SH3PXD2B: variants seen among roughly 807,000 people sequenced by gnomAD.
SH3PXD2B encodes SH3 and PX domains 2B.
Under a neutral mutation model 73.1 loss-of-function variants are expected in SH3PXD2B, and 37 were observed. That is an observed-to-expected ratio of 0.51 (90% CI 0.39 to 0.67). The LOEUF (loss-of-function observed/expected upper bound fraction) is 0.67. Ranked by LOEUF, SH3PXD2B falls within the 30% of genes least tolerant of loss-of-function variation. The probability of loss-of-function intolerance (pLI) is 0.00; values close to 1 mark genes in which losing one functional copy is unlikely to be tolerated. For missense variants in SH3PXD2B, 1,053 were observed against 1,197.8 expected (o/e 0.88, Z 1.78); for synonymous variants, 457 against 480.5 (o/e 0.95, Z 0.64).
rs200134950 is a variant in SH3PXD2B, at chr5:172,420,303, GA to G, written c.156+2112del. ...ATACTGAACACAAAACATCACTAAT[GA>G]ATTCATTACATTTTAAATAATTAGG... On this transcript the variant is annotated intron_variant, in intron 2 of 12. Coordinates refer to ENST00000311601, the MANE Select transcript of SH3PXD2B (RefSeq NM_001017995.3). Among the ~76,000 whole-genome samples, 828 of 152,254 alleles carry G rather than the reference GA, an allele frequency of 5.4e-3. 16 individuals are homozygous for G. Among genetic ancestry groups the G allele is most frequent in the Admixed American group, 0.034 (513 of 15,304 alleles).
At chr5:172,389,977 C>A (rs13354090) in intron 4 of SH3PXD2B, among the ~76,000 whole-genome samples, 16,412 of 152,154 alleles carry the variant, frequency 0.11, 1,282 homozygotes, top group South Asian at 0.23. Context: ...CTTAGCCTCC[C>A]AAACTGCTGG....
At chr5:172,448,599 A>G (rs1475777745) in intron 1 of SH3PXD2B, among the ~76,000 whole-genome samples, 1 of 152,214 alleles carries the variant, frequency 6.6e-6, no homozygotes, top group Non-Finnish European at 1.5e-5. Flanking sequence ...TCTTTTCATC[A>G]TGAAGGTAAC....
chr5:172,415,357 A>G (rs1285879763), intron 2 of SH3PXD2B, among the ~76,000 whole-genome samples: 1 of 152,180 alleles, frequency 6.6e-6, no homozygotes, highest in Non-Finnish European at 1.5e-5. Context: ...GGCCTTAAAA[A>G]GGGGCAGCCA....
At position 172,448,885 on chromosome 5, in the gene SH3PXD2B, TAGG is replaced by T. The variant is rs1293855304; in HGVS notation, c.75+5390_75+5392del. 5.4e-4 allele frequency among the ~76,000 whole-genome samples: 82 copies of T among 152,096 alleles called. 1 individual carries two copies. Among genetic ancestry groups the T allele is most frequent in the Admixed American group, 4.6e-4 (7 of 15,264 alleles). On this transcript the variant is annotated intron_variant, in intron 1 of 12. Transcript: ENST00000311601. ...GTTCCCACAAAACAGGTGCCAGGGA[TAGG>T]AGGAGAGGGAGGAAACTGGGGGCTG...
intron 1 of SH3PXD2B, among the ~76,000 whole-genome samples, chr5:172,439,238 GAAAAAAAAAAAAGAAAA>G (rs1192394687): frequency 1.2e-4 from 4 of 33,238 alleles, no homozygotes; most frequent in African/African-American, 5.8e-4. Flanking sequence ...AGAAAAAACA[GAAAAAAAAAAAAGAAAA>G]AAAAAAAACA....
rs144896999 is a variant in SH3PXD2B, at chr5:172,434,520, G to A, written c.76-12024C>T. Among the ~76,000 whole-genome samples, 512 of 152,244 alleles carry A rather than the reference G, an allele frequency of 3.4e-3. 2 individuals carry two copies. Among genetic ancestry groups the A allele is most frequent in the Non-Finnish European group, 5.7e-3 (389 of 68,018 alleles). On this transcript the variant is annotated intron_variant, in intron 1 of 12. Coordinates refer to ENST00000311601, the MANE Select transcript of SH3PXD2B (RefSeq NM_001017995.3). Reference sequence around the variant, plus strand: ...CTGCCGCCCTGCTTCCCCTGCCTCCGGAGCTCTGTGAGCTCCCAAGTGTTC... The same window carrying A: ...CTGCCGCCCTGCTTCCCCTGCCTCCAGAGCTCTGTGAGCTCCCAAGTGTTC...
At chr5:172,368,453 T>TTATATATA (rs773035950) in intron 6 of SH3PXD2B, among the ~76,000 whole-genome samples, 6 of 80,012 alleles carry the variant, frequency 7.5e-5, no homozygotes, top group Admixed American at 4.1e-4. Flanking sequence ...CTAAGAATGC[T>TTATATATA]TATATATATA....
downstream of SH3PXD2B, among the ~76,000 whole-genome samples, chr5:172,329,026 CATATACGT>C (rs1561884301): frequency 6.4e-5 from 5 of 78,594 alleles, no homozygotes; most frequent in South Asian, 9.0e-4. Flanking sequence ...TACATATATA[CATATACGT>C]ATATATATGT....
chr5:172,367,283 T>C (rs1282666865), intron 6 of SH3PXD2B, among the ~76,000 whole-genome samples: 1 of 151,460 alleles, frequency 6.6e-6, no homozygotes, highest in African/African-American at 2.4e-5. Context: ...TTTTAAAAGA[T>C]GTGTCAGAAC....
At chr5:172,402,948 T>C (rs946110808) in intron 3 of SH3PXD2B, among the ~76,000 whole-genome samples, 5 of 152,354 alleles carry the variant, frequency 3.3e-5, no homozygotes, top group South Asian at 2.1e-4. Flanking sequence ...AGAGCCCGAG[T>C]TGTGGCTCAG....
At position 172,338,248 on chromosome 5, in the gene SH3PXD2B, C is replaced by G; in HGVS notation, c.*121G>C. On this transcript the variant is annotated 3_prime_UTR_variant, in exon 13 of 13. Coordinates refer to ENST00000311601, the MANE Select transcript of SH3PXD2B (RefSeq NM_001017995.3). This position sits in a 1 kb window ranked among gnomAD's most constrained non-coding sequence, Gnocchi z 5.1. Reference sequence around the variant, plus strand: ...TCCACCCATGGGAGGCAAGAAGTCACAGTACCCCAGAGTCTGTCTGCCTTG... The same window carrying G: ...TCCACCCATGGGAGGCAAGAAGTCAGAGTACCCCAGAGTCTGTCTGCCTTG... 6.3e-7 allele frequency: 1 copy of G among 1,578,278 alleles called. No homozygotes were observed. The highest frequency in any genetic ancestry group is 8.6e-7 in the Non-Finnish European group (1 of 1,163,720).
chr5:172,435,671 G>A (rs923462127), intron 1 of SH3PXD2B, among the ~76,000 whole-genome samples: 1 of 152,100 alleles, frequency 6.6e-6, no homozygotes, highest in Non-Finnish European at 1.5e-5. Flanking sequence ...CGATCTACCT[G>A]CCTCGGCCTC....
In SH3PXD2B at chr5:172,363,602, C is replaced by T. The variant is rs748489654; in HGVS notation, c.428-733G>A. On this transcript the variant is annotated intron_variant, in intron 6 of 12. Transcript: ENST00000311601. ...AGACCTCCCTAAGGAGGTGACATAA[C>T]GCAGGGACCCGAGAGAGGAGGAGGG... is the stretch of plus-strand genomic sequence containing the variant. Among the ~76,000 whole-genome samples, 59 of 152,062 alleles carry T rather than the reference C, an allele frequency of 3.9e-4. 1 individual carries two copies. Among genetic ancestry groups the T allele is most frequent in the Admixed American group, 9.8e-4 (15 of 15,270 alleles).
At chr5:172,382,538 G>C (rs912407050) in intron 4 of SH3PXD2B, among the ~76,000 whole-genome samples, 15 of 147,222 alleles carry the variant, frequency 1.0e-4, no homozygotes, top group Non-Finnish European at 2.2e-4. Flanking sequence ...TCCTGGTGAT[G>C]CTGCTGGTTT....
intron 12 of SH3PXD2B, among the ~76,000 whole-genome samples, chr5:172,326,283 T>G (rs1402032551): frequency 6.6e-6 from 1 of 152,232 alleles, no homozygotes; most frequent in Non-Finnish European, 1.5e-5. Flanking sequence ...TTCTGAATAA[T>G]GCTTAAAATG....
chr5:172,325,874 G>A (rs983717624), intron 12 of SH3PXD2B, among the ~76,000 whole-genome samples: 2 of 152,174 alleles, frequency 1.3e-5, no homozygotes, highest in Non-Finnish European at 2.9e-5. Context: ...CGCAACCTCC[G>A]CCTCCCGGTT....
At chr5:172,378,825 C>T (rs530279036) in intron 5 of SH3PXD2B, among the ~76,000 whole-genome samples, 2 of 151,998 alleles carry the variant, frequency 1.3e-5, no homozygotes, top group African/African-American at 2.4e-5. Flanking sequence ...AATCCCAGCA[C>T]TTTGGGAGGC....
In SH3PXD2B at chr5:172,361,784, A is replaced by G. The variant is rs1372224085; in HGVS notation, c.562+951T>C. On this transcript the variant is annotated intron_variant, in intron 7 of 12. Coordinates refer to ENST00000311601, the MANE Select transcript of SH3PXD2B (RefSeq NM_001017995.3). ...TGGCAACTCCTATGTTGAGTAACCA[A>G]GGAAGTTTGGCTGGCTGGCGCTGGT... Among the ~76,000 whole-genome samples the G allele has an allele frequency of 3.9e-5, 6 of 152,214 alleles. No homozygotes were observed. In the South Asian group the frequency reaches 1.0e-3, roughly 26 times the overall value.
chr5:172,370,700 A>G (rs910809655), intron 6 of SH3PXD2B, among the ~76,000 whole-genome samples: 8 of 152,184 alleles, frequency 5.3e-5, no homozygotes, highest in Non-Finnish European at 1.2e-4. Flanking sequence ...TTGCTTTTTC[A>G]GCACCAGTTC....
Sources: gnomAD v4.1 joint callset for allele counts (sites outside exome capture counted in the v4.1 genomes callset) on GRCh38, gnomAD v4.1.1 for gene constraint, Gnocchi (gnomAD v3.1) non-coding constraint, MANE v1.5 for transcripts, NCBI Gene and HGNC (gene_info 2026-07-23, HGNC 2026-07-21) for gene names.